The following SCLT1 variants were observed in gnomAD, a reference collection of about 807,000 sequenced individuals.
SCLT1 encodes sodium channel and clathrin linker 1.
In SCLT1, 78 loss-of-function variants were observed where a neutral mutation model predicts 112.8. The observed-to-expected ratio is 0.69, with a 90% CI of 0.58 to 0.83. The LOEUF is 0.83. Among genes scored for constraint, SCLT1 ranks in the 40% least tolerant of loss-of-function variants. The pLI, the probability that SCLT1 is intolerant of heterozygous loss-of-function variation, is 0.00. For synonymous variants in SCLT1, 257 were observed against 254.7 expected, an observed-to-expected ratio of 1.01 and a Z score of -0.09; for missense variants, 747 against 770.4, an observed-to-expected ratio of 0.97 and a Z score of 0.36.
chr4:128,950,787 G>A (rs754595193), intron 14 of SCLT1, among the ~76,000 whole-genome samples: 8 of 152,044 alleles, frequency 5.3e-5, no homozygotes, highest in Non-Finnish European at 7.4e-5. Flanking sequence ...AACATTTTAT[G>A]TTACTTTTGT....
chr4:129,045,315 A>G (rs1312407388), intron 2 of SCLT1, among the ~76,000 whole-genome samples: 1 of 152,080 alleles, frequency 6.6e-6, no homozygotes, highest in Non-Finnish European at 1.5e-5. Flanking sequence ...CTATAAATGG[A>G]AAGACTGACA....
intron 18 of SCLT1, among the ~76,000 whole-genome samples, chr4:128,903,060 T>G (rs1230874408): frequency 9.2e-6 from 1 of 108,268 alleles, no homozygotes; most frequent in African/African-American, 4.0e-5. Flanking sequence ...TGCCTAAGGC[T>G]GTTTTACAGT....
At chr4:128,913,341 G>A (rs1735239954) in intron 18 of SCLT1, among the ~76,000 whole-genome samples, 1 of 152,196 alleles carries the variant, frequency 6.6e-6, no homozygotes, top group Non-Finnish European at 1.5e-5. Context: ...TGCAGTGTGG[G>A]AAACTGCAGA....
chr4:129,028,693 A>C (rs1239359233), intron 5 of SCLT1, among the ~76,000 whole-genome samples: 3 of 152,162 alleles, frequency 2.0e-5, no homozygotes, highest in African/African-American at 4.8e-5. Flanking sequence ...TAATTAAACT[A>C]AAGAGCTTCT....
intron 15 of SCLT1, among the ~76,000 whole-genome samples, chr4:128,947,697 C>T (rs1000773859): frequency 1.3e-5 from 2 of 152,006 alleles, no homozygotes; most frequent in Admixed American, 1.3e-4. Flanking sequence ...GATATTACTG[C>T]TAATAAAAAA....
At chr4:129,030,756 C>T (rs1016121825) in intron 5 of SCLT1, among the ~76,000 whole-genome samples, 4 of 152,006 alleles carry the variant, frequency 2.6e-5, no homozygotes, top group African/African-American at 9.7e-5. Flanking sequence ...AAGACTAAAC[C>T]AGGAAGAAGT....
intron 11 of SCLT1, among the ~76,000 whole-genome samples, chr4:128,960,926 C>CAAAAAAA (rs34599122): frequency 6.3e-4 from 33 of 52,478 alleles, no homozygotes; most frequent in African/African-American, 2.5e-3. Flanking sequence ...GACTCCGTCT[C>CAAAAAAA]AAAAAAAAAA....
intron 1 of SCLT1, among the ~76,000 whole-genome samples, chr4:129,087,207 G>A (rs1752471161): frequency 6.9e-6 from 1 of 144,974 alleles, no homozygotes; most frequent in Admixed American, 6.7e-5. Context: ...AGAACCCTAG[G>A]GAATGTGAGA....
Position 128,999,696 on chromosome 4 carries a change from A to G in SCLT1, c.525T>C (p.His175=). ...YQEHMTEAQI[H]VFESQKQKDQ... is the part of the protein sequence containing the mutation. ...CCTTTTGTTTTTGACTTTCAAATAC[A>G]TGAATCTGGGCCTCAGTCATATGTT... is the stretch of plus-strand genomic sequence containing the variant. The change falls in exon 7 of 21, where the codon CAT becomes CAC. Residue 175 remains histidine (H), a synonymous_variant. Transcript: ENST00000281142. 1 of 1,601,718 alleles carries G rather than the reference A, an allele frequency of 6.2e-7. No individual in the cohort carries two copies. The highest frequency in any genetic ancestry group is 8.5e-7 in the Non-Finnish European group (1 of 1,172,760).
chr4:128,894,324 C>A (rs1391797460), intron 18 of SCLT1, among the ~76,000 whole-genome samples: 3 of 150,010 alleles, frequency 2.0e-5, no homozygotes, highest in African/African-American at 7.4e-5. Flanking sequence ...CCCTATACTG[C>A]AACATGGCAG....
At chr4:129,017,764 C>T (rs915782177) in intron 5 of SCLT1, among the ~76,000 whole-genome samples, 8 of 152,122 alleles carry the variant, frequency 5.3e-5, no homozygotes, top group Non-Finnish European at 7.4e-5. Context: ...TTAAATAAAA[C>T]GTTTTGGAGG....
intron 5 of SCLT1, among the ~76,000 whole-genome samples, chr4:129,013,125 C>T (rs1326596841): frequency 4.6e-5 from 7 of 152,074 alleles, no homozygotes; most frequent in Non-Finnish European, 5.9e-5. Context: ...ATCTTTTCTG[C>T]TCCTCTCCCT....
intron 9 of SCLT1, among the ~76,000 whole-genome samples, chr4:128,989,190 G>A (rs948063155): frequency 6.6e-6 from 1 of 151,760 alleles, no homozygotes; most frequent in Non-Finnish European, 1.5e-5. Context: ...TTTCTTCTCA[G>A]TATATTAAAC....
rs573104127 is a variant in SCLT1, at chr4:129,063,979, A to G, written c.102+18327T>C. Among the ~76,000 whole-genome samples the G allele has an allele frequency of 6.6e-5, 10 of 152,284 alleles. No homozygotes were observed. The South Asian group carries it at 2.1e-3, about 32-fold the overall frequency. ...CTTGGGGCAGGAGTGATGCAGGTGAACTGAAATTGTTCTTACATTCTTCAA... is the reference window on the plus strand; with the variant it reads ...CTTGGGGCAGGAGTGATGCAGGTGAGCTGAAATTGTTCTTACATTCTTCAA... On this transcript the variant is annotated intron_variant, in intron 2 of 20. Transcript: ENST00000281142.
At position 128,884,467 on chromosome 4, in the gene SCLT1, A is replaced by G. The variant is rs1386958029; in HGVS notation, c.*10T>C. 4.5e-6 allele frequency: 7 copies of G among 1,548,740 alleles called. No homozygotes were observed. In the Admixed American group the frequency reaches 1.2e-4, roughly 26 times the overall value. On this transcript the variant is annotated 3_prime_UTR_variant, in exon 21 of 21. Coordinates refer to ENST00000281142, the MANE Select transcript of SCLT1 (RefSeq NM_144643.4). The stretch of plus-strand genomic sequence containing the variant: ...AACTCTAAAGTTCTGTGAGTGAACT[A>G]TGAATATTTTTAAATATTTTCCAGA...
intron 9 of SCLT1, among the ~76,000 whole-genome samples, chr4:128,979,391 A>G (rs1036865616): frequency 6.6e-6 from 1 of 152,168 alleles, no homozygotes; most frequent in Non-Finnish European, 1.5e-5. Flanking sequence ...TAGTGCCCTC[A>G]TAAGAGAGGC....
chr4:129,003,738 C>T lies in SCLT1; in HGVS notation c.426+3G>A, dbSNP rs756408201. 1 of 1,595,388 alleles carries T rather than the reference C, an allele frequency of 6.3e-7. No individual in the cohort carries two copies. The highest frequency in any genetic ancestry group is 1.3e-5 in the African/African-American group (1 of 74,132). ...ATAATTTTTAAAAATACATGTCACTCACTTGATTGGCTAGCTGCAATTGTT... is the reference window on the plus strand; with the variant it reads ...ATAATTTTTAAAAATACATGTCACTTACTTGATTGGCTAGCTGCAATTGTT... On this transcript the variant is annotated splice_donor_region_variant and intron_variant, in intron 6 of 20. Coordinates refer to ENST00000281142, the MANE Select transcript of SCLT1 (RefSeq NM_144643.4).
chr4:129,045,292 C>T lies in SCLT1; in HGVS notation c.103-1241G>A, dbSNP rs73847395. On this transcript the variant is annotated intron_variant, in intron 2 of 20. Transcript: ENST00000281142. ...AATTACATTTGTTAACTGGAAGACA[C>T]CAGGAGCAAAACCTATAAATGGAAA... Among the ~76,000 whole-genome samples, 683 of 152,058 alleles carry T rather than the reference C, an allele frequency of 4.5e-3. 4 individuals carry two copies. The highest frequency in any genetic ancestry group is 0.014 in the African/African-American group (581 of 41,502).
At chr4:128,907,913 A>C (rs1441003428) in intron 18 of SCLT1, among the ~76,000 whole-genome samples, 6 of 152,350 alleles carry the variant, frequency 3.9e-5, no homozygotes, top group African/African-American at 1.2e-4. Context: ...AGACATATGA[A>C]ATAAAACAAA....
Sources: gnomAD v4.1 joint callset for allele counts (sites outside exome capture counted in the v4.1 genomes callset) on GRCh38, gnomAD v4.1.1 for gene constraint, MANE v1.5 for transcripts, NCBI Gene and HGNC (gene_info 2026-07-23, HGNC 2026-07-21) for gene names.